The following SPAG16 variants were observed in gnomAD, a reference collection of about 807,000 sequenced individuals.
The protein encoded by SPAG16 is sperm associated antigen 16, also known as sperm-associated antigen 16 protein.
Under a neutral mutation model 80.4 loss-of-function variants are expected in SPAG16, and 86 were observed. The observed-to-expected ratio is 1.07, with a 90% CI of 0.90 to 1.28. The LOEUF (loss-of-function observed/expected upper bound fraction) is 1.28. SPAG16 is among the 50% of genes most tolerant of loss of function. The probability of loss-of-function intolerance (pLI) is 0.00; values close to 1 mark genes in which losing one functional copy is unlikely to be tolerated. For missense variants in SPAG16, 870 were observed against 765.3 expected (o/e 1.14, Z -1.61); for synonymous variants, 294 against 265.9 (o/e 1.11, Z -1.03).
chr2:213,710,243 C>T (rs923016005), intron 10 of SPAG16, among the ~76,000 whole-genome samples: 1 of 151,538 alleles, frequency 6.6e-6, no homozygotes, highest in African/African-American at 2.4e-5. Context: ...GAGATCGCAC[C>T]ACTGCGCTCC....
chr2:214,257,352 C>T (rs575099244), intron 15 of SPAG16, among the ~76,000 whole-genome samples: 17 of 152,026 alleles, frequency 1.1e-4, no homozygotes, highest in African/African-American at 4.1e-4. Flanking sequence ...TTTCTTTCCA[C>T]TTGTTGTGAC....
intron 9 of SPAG16, among the ~76,000 whole-genome samples, chr2:213,410,828 A>G (rs969647075): frequency 2.0e-4 from 30 of 152,128 alleles, no homozygotes; most frequent in African/African-American, 7.2e-4. Flanking sequence ...GCTCTTTTCC[A>G]GGATTCTACA....
chr2:214,261,365 GAGA>G (rs1224106229), intron 15 of SPAG16, among the ~76,000 whole-genome samples: 1 of 151,906 alleles, frequency 6.6e-6, no homozygotes, highest in East Asian at 1.9e-4. Flanking sequence ...CCTGTCCCTG[GAGA>G]AGGACTTCTT....
chr2:213,899,665 T>A (rs540102645), intron 11 of SPAG16, among the ~76,000 whole-genome samples: 2 of 152,192 alleles, frequency 1.3e-5, no homozygotes, highest in South Asian at 2.1e-4. Flanking sequence ...CACGTTTATA[T>A]GAGAAACAGA....
At chr2:214,352,446 G>A (rs1246966283) in intron 15 of SPAG16, among the ~76,000 whole-genome samples, 1 of 151,704 alleles carries the variant, frequency 6.6e-6, no homozygotes, top group Non-Finnish European at 1.5e-5. Flanking sequence ...TCTCCTTAAG[G>A]AACTGCCTTT....
chr2:213,506,950 A>G (rs2074993263), intron 10 of SPAG16, among the ~76,000 whole-genome samples: 1 of 152,350 alleles, frequency 6.6e-6, no homozygotes, highest in Non-Finnish European at 1.5e-5. Context: ...AATGCTCTCT[A>G]GGAAAAGAGA....
chr2:213,828,890 C>A (rs2073457351), intron 10 of SPAG16, among the ~76,000 whole-genome samples: 1 of 152,116 alleles, frequency 6.6e-6, no homozygotes, highest in Non-Finnish European at 1.5e-5. Context: ...GAATAGAGTC[C>A]CTCTCTCTGT....
chr2:213,785,792 G>A (rs965781772), intron 10 of SPAG16, among the ~76,000 whole-genome samples: 2 of 152,042 alleles, frequency 1.3e-5, no homozygotes, highest in African/African-American at 4.8e-5. Flanking sequence ...CGAGGCGGGA[G>A]GATCAAGAGA....
At chr2:214,333,559 C>T (rs1697076423) in intron 15 of SPAG16, among the ~76,000 whole-genome samples, 1 of 152,226 alleles carries the variant, frequency 6.6e-6, no homozygotes, top group Non-Finnish European at 1.5e-5. Context: ...CCACTACCTT[C>T]CCAGTGTCAT....
intron 11 of SPAG16, among the ~76,000 whole-genome samples, chr2:213,895,013 A>AAAAAAC (rs2076939483): frequency 7.3e-6 from 1 of 137,060 alleles, no homozygotes; most frequent in African/African-American, 2.6e-5. Context: ...AAAAAAAAAA[A>AAAAAAC]AAAAAACTGA....
In SPAG16 at chr2:214,042,745, C is replaced by T. The variant is rs1035322263; in HGVS notation, c.1527+28668C>T. On this transcript the variant is annotated intron_variant, in intron 13 of 15. Coordinates refer to ENST00000331683, the MANE Select transcript of SPAG16 (RefSeq NM_024532.5). ...TACAGAGTCTAAAAATCTTCTCATTCTAGTACAGAGAGCAATGCAACTCTC... is the reference window on the plus strand; with the variant it reads ...TACAGAGTCTAAAAATCTTCTCATTTTAGTACAGAGAGCAATGCAACTCTC... Among the ~76,000 whole-genome samples the T allele has an allele frequency of 1.4e-4, 21 of 152,274 alleles. 1 individual carries two copies. The highest frequency in any genetic ancestry group is 5.1e-4 in the African/African-American group (21 of 41,574).
At chr2:213,307,847 G>T (rs891331178) in intron 3 of SPAG16, among the ~76,000 whole-genome samples, 1 of 152,054 alleles carries the variant, frequency 6.6e-6, no homozygotes, top group African/African-American at 2.4e-5. Context: ...TCCAGCACCT[G>T]TTGTTTCCTG....
intron 14 of SPAG16, among the ~76,000 whole-genome samples, chr2:214,117,593 G>T (rs972299159): frequency 6.6e-6 from 1 of 152,104 alleles, no homozygotes; most frequent in Non-Finnish European, 1.5e-5. Context: ...GAACATAGAT[G>T]CAAAAACTCT....
rs191412649 is a variant in SPAG16 at position 214,008,148 on chromosome 2, A to T, written c.1401-5803A>T. On this transcript the variant is annotated intron_variant, in intron 12 of 15. Coordinates refer to ENST00000331683, the MANE Select transcript of SPAG16 (RefSeq NM_024532.5). ...CTACTATTTTTTCCTTCAGTACCCA[A>T]TCTGATATTTTGCTCACCCAGCTAA... Among the ~76,000 whole-genome samples, 4 of 152,114 alleles carry T rather than the reference A, an allele frequency of 2.6e-5. No individual in the cohort carries two copies. The East Asian group carries it at 5.8e-4, about 22-fold the overall frequency.
intron 10 of SPAG16, among the ~76,000 whole-genome samples, chr2:213,821,465 G>A (rs970453065): frequency 2.0e-5 from 3 of 151,814 alleles, no homozygotes; most frequent in African/African-American, 7.3e-5. Context: ...AGGGTACATG[G>A]GATATTTTGA....
chr2:213,911,054 A>G (rs2077642632), intron 11 of SPAG16, among the ~76,000 whole-genome samples: 1 of 152,158 alleles, frequency 6.6e-6, no homozygotes, highest in African/African-American at 2.4e-5. Flanking sequence ...AAAACACTTC[A>G]GTACATTTCT....
chr2:213,557,337 C>A (rs906180028), intron 10 of SPAG16, among the ~76,000 whole-genome samples: 1 of 152,048 alleles, frequency 6.6e-6, no homozygotes, highest in African/African-American at 2.4e-5. Context: ...ATTTTATATA[C>A]ATGTAATATT....
intron 15 of SPAG16, among the ~76,000 whole-genome samples, chr2:214,362,154 C>G (rs1349248979): frequency 1.3e-5 from 2 of 151,834 alleles, no homozygotes; most frequent in Non-Finnish European, 2.9e-5. Flanking sequence ...GCACTGGATA[C>G]AGGTTGAGGA....
chr2:213,782,720 A>G (rs1239512556), intron 10 of SPAG16, among the ~76,000 whole-genome samples: 1 of 152,236 alleles, frequency 6.6e-6, no homozygotes, highest in Non-Finnish European at 1.5e-5. Context: ...TGATAAAAGT[A>G]TGAGAGGGAA....
Sources: allele counts gnomAD v4.1 joint callset (sites outside exome capture counted in the v4.1 genomes callset), GRCh38; gene constraint gnomAD v4.1.1; transcripts MANE v1.5; gene names NCBI Gene and HGNC (gene_info 2026-07-23, HGNC 2026-07-21).